Variants in EIF3B observed in about 807,000 individuals in gnomAD.
EIF3B encodes eukaryotic translation initiation factor 3 subunit 9.
EIF3B carries 10 observed loss-of-function variants against 104.6 expected under a neutral mutation model. The ratio of observed to expected loss-of-function variants is 0.10; its 90% CI spans 0.06 to 0.16. The LOEUF is 0.16. Among genes scored for constraint, EIF3B ranks in the 10% least tolerant of loss-of-function variants. EIF3B has a pLI of 1.00. For synonymous variants in EIF3B, 542 were observed against 417.2 expected, an observed-to-expected ratio of 1.30 and a Z score of -3.65; for missense variants, 1,014 against 1,087.9, an observed-to-expected ratio of 0.93 and a Z score of 0.96.
intron 10 of EIF3B, among the ~76,000 whole-genome samples, 198 bp downstream of exon 10, chr7:2,369,880 G>T (rs1487566276): frequency 1.5e-5 from 2 of 132,368 alleles, no homozygotes; most frequent in Non-Finnish European, 3.1e-5. Context: ...GGTTTCAAAT[G>T]ATTCTTCTGC....
At chr7:2,369,347 C>A (rs1302681699) in intron 9 of EIF3B, 125 bp from the exon 10 acceptor site, 2 of 1,007,076 alleles carry the variant, frequency 2.0e-6, no homozygotes, top group Non-Finnish European at 3.0e-6. Context: ...GCAGAGGGAG[C>A]GCTCAGCGTC....
chr7:2,367,824 A>ATTTTTTTT (rs1562484073), intron 9 of EIF3B, among the ~76,000 whole-genome samples: 5 of 101,718 alleles, frequency 4.9e-5, no homozygotes, highest in African/African-American at 1.6e-4. Flanking sequence ...CTTTTTTTAA[A>ATTTTTTTT]ATTTTTTTTT....
intron 9 of EIF3B, among the ~76,000 whole-genome samples, chr7:2,367,734 C>G (rs529832889): frequency 3.0e-4 from 45 of 150,912 alleles, no homozygotes; most frequent in African/African-American, 1.0e-3. Flanking sequence ...TCCCAAAGTG[C>G]TGAGATTACA....
intron 6 of EIF3B, among the ~76,000 whole-genome samples, chr7:2,365,558 C>G (rs188942818): frequency 1.3e-5 from 2 of 152,022 alleles, no homozygotes; most frequent in African/African-American, 4.8e-5. Flanking sequence ...CCAGACAAGC[C>G]AGCAGTCAGG....
rs538216606 is a variant in EIF3B at position 2,369,381 on chromosome 7, A to T, written c.1404-91A>T. On this transcript the variant is annotated intron_variant, in intron 9 of 18. Coordinates refer to ENST00000360876, the MANE Select transcript of EIF3B (RefSeq NM_001037283.2). Reference sequence around the variant, plus strand: ...TCAGCTGTGACAGCATTGAGCTTCTATATAGCAAATGAGTTGTTCTATTCT... The same window carrying T: ...TCAGCTGTGACAGCATTGAGCTTCTTTATAGCAAATGAGTTGTTCTATTCT... The T allele has an allele frequency of 1.2e-5, 16 of 1,350,724 alleles. No homozygotes were observed. In the African/African-American group the frequency reaches 1.7e-4, roughly 15 times the overall value. The allele number at this position is 1,350,724 out of a possible 1,614,324, so 83.7% of individuals were successfully genotyped here. A position where few individuals can be genotyped will look rare whatever the true frequency, so the allele number is the denominator to read the frequency against.
At chr7:2,363,833 C>A in intron 5 of EIF3B, 73 bp downstream of exon 5, 2 of 1,507,130 alleles carry the variant, frequency 1.3e-6, no homozygotes, top group South Asian at 2.5e-5. Context: ...AACTTTGTTT[C>A]TATCAGAAAA....
In EIF3B at chr7:2,364,545, AAC is replaced by A; in HGVS notation, c.1157+20_1157+21del. On this transcript the variant is annotated intron_variant, in intron 6 of 18. Transcript: ENST00000360876. ...CTTGTGAAAGGTAAGCTGCTAGAAA[AAC>A]ACAGGGGAGTCTATGCATTTCACCC... 3.7e-6 allele frequency: 6 copies of A among 1,607,380 alleles called. No individual in the cohort carries two copies. The highest frequency in any genetic ancestry group is 5.1e-6 in the Non-Finnish European group (6 of 1,177,458).
rs1278910593 is a variant in EIF3B, at chr7:2,375,500, C to T, written c.2001C>T (p.Val667=). The T allele has an allele frequency of 2.5e-6, 4 of 1,614,122 alleles. No individual in the cohort carries two copies. In the African/African-American group the frequency reaches 4.0e-5, roughly 16 times the overall value. ...VEWDPTGRYV[V]TSVSWWSHKV... ...GGGATCCTACTGGGCGCTACGTCGT[C>T]ACCTCTGTGTCCTGGTGGAGCCATA... Residue 667 remains valine, a synonymous_variant, in exon 14 of 19, where the codon GTC becomes GTT. Transcript: ENST00000360876.
intron 18 of EIF3B, chr7:2,379,955 TG>T: frequency 3.9e-6 from 1 of 255,330 alleles, no homozygotes; most frequent in South Asian, 4.2e-5. Flanking sequence ...TCCTGAGTCC[TG>T]GGGGCCTCCG....
intron 6 of EIF3B, among the ~76,000 whole-genome samples, 158 bp from the exon 7 acceptor site, chr7:2,366,159 T>C (rs949445166): frequency 1.3e-5 from 2 of 152,148 alleles, no homozygotes; most frequent in Admixed American, 6.5e-5. Context: ...CAAGCGCCGC[T>C]GCTTCCCGCT....
At chr7:2,359,584 A>G (rs577593446) in intron 1 of EIF3B, among the ~76,000 whole-genome samples, 1 of 152,314 alleles carries the variant, frequency 6.6e-6, no homozygotes, top group East Asian at 1.9e-4. Context: ...TAAGCTGGCA[A>G]ACCTAGCTCT....
At chr7:2,366,846 G>A (rs1196033199) in intron 8 of EIF3B, 153 bp from the exon 9 acceptor site, 11 of 864,320 alleles carry the variant, frequency 1.3e-5, no homozygotes, top group African/African-American at 3.4e-5. Context: ...TCTGGGTGGC[G>A]GGTGGGTGGA....
At chr7:2,369,832 A>G in intron 10 of EIF3B, 150 bp downstream of exon 10, 3 of 675,346 alleles carry the variant, frequency 4.4e-6, no homozygotes, top group Non-Finnish European at 6.9e-6. Context: ...GCTGTAGTGC[A>G]GGAGTGCGAT....
chr7:2,359,969 A>G (rs898226426), intron 1 of EIF3B, among the ~76,000 whole-genome samples: 1 of 152,148 alleles, frequency 6.6e-6, no homozygotes, highest in African/African-American at 2.4e-5. Flanking sequence ...CCTAAGGAAT[A>G]TTGGGTAAAG....
Position 2,376,929 on chromosome 7 carries a change from T to C in EIF3B, c.2029-21T>C, listed in dbSNP as rs766280307. 4 of 1,610,224 alleles carry C rather than the reference T, an allele frequency of 2.5e-6. No individual in the cohort carries two copies. In the African/African-American group the frequency reaches 5.3e-5, roughly 22 times the overall value. The stretch of plus-strand genomic sequence containing the variant: ...GCTCTCTGACCCCTCTGTGTCCTGG[T>C]GTGTCCCTGCCCTGGCCTAGGTGGA... On this transcript the variant is annotated intron_variant, in intron 14 of 18. Transcript: ENST00000360876.
intron 5 of EIF3B, 56 bp from the exon 6 acceptor site, chr7:2,364,316 G>T: frequency 6.9e-7 from 1 of 1,439,104 alleles, no homozygotes; most frequent in South Asian, 1.4e-5. Context: ...ATTGTAGGAG[G>T]GGTCTTTGTG....
chr7:2,366,607 G>A lies in EIF3B; in HGVS notation c.1356+16G>A. 1 of 1,614,086 alleles carries A rather than the reference G, an allele frequency of 6.2e-7. No individual in the cohort carries two copies. The highest frequency in any genetic ancestry group is 1.1e-5 in the South Asian group (1 of 91,078). ...TGAAACTCCTGTAAGTGGCCTCAGT[G>A]ATGGCAAACGCCCCGTCCGGTCCTT... On this transcript the variant is annotated intron_variant, in intron 8 of 18. Coordinates refer to ENST00000360876, the MANE Select transcript of EIF3B (RefSeq NM_001037283.2).
Position 2,369,565 on chromosome 7 carries a change from T to A in EIF3B, c.1497T>A (p.Pro499=). The change falls in exon 10 of 19, where the codon CCT becomes CCA. Residue 499 remains proline (P), a synonymous_variant. Transcript: ENST00000360876. ...CCAGGGTAACCCTGATGCAGCTCCC[T>A]ACCAGGCAAGAGATCCGAGTGAGGA... ...IPARVTLMQL[P]TRQEIRVRNL... 1 of 1,614,170 alleles carries A rather than the reference T, an allele frequency of 6.2e-7. No homozygotes were observed. Among genetic ancestry groups the A allele is most frequent in the Non-Finnish European group, 8.5e-7 (1 of 1,180,026 alleles).
chr7:2,366,623 TC>T, intron 8 of EIF3B, 32 bp downstream of exon 8: 1 of 1,612,648 alleles, frequency 6.2e-7, no homozygotes, highest in Non-Finnish European at 8.5e-7. Flanking sequence ...AAACGCCCCG[TC>T]CGGTCCTTGC....
Sources: allele counts gnomAD v4.1 joint callset (sites outside exome capture counted in the v4.1 genomes callset), GRCh38; gene constraint gnomAD v4.1.1; transcripts MANE v1.5; gene names NCBI Gene and HGNC (gene_info 2026-07-23, HGNC 2026-07-21).